Variants in ZBTB20 observed in about 807,000 individuals in gnomAD.
The protein encoded by ZBTB20 is zinc finger and BTB domain-containing protein 20.
ZBTB20 carries 9 observed loss-of-function variants against 56.9 expected under a neutral mutation model. The observed-to-expected ratio is 0.16, with a 90% confidence interval of 0.10 to 0.28. The LOEUF (loss-of-function observed/expected upper bound fraction) is 0.28, where lower values mean the gene tolerates loss of function less well. Ranked by LOEUF, ZBTB20 falls within the 10% of genes least tolerant of loss-of-function variation. ZBTB20 has a pLI of 1.00. For missense variants in ZBTB20, 655 were observed against 1,003.0 expected (o/e 0.65, Z 4.69); for synonymous variants, 417 against 420.7 (o/e 0.99, Z 0.11).
chr3:115,116,930 A>T (rs1455093563), intron 1 of ZBTB20, among the ~76,000 whole-genome samples: 1 of 152,112 alleles, frequency 6.6e-6, no homozygotes, highest in Non-Finnish European at 1.5e-5. Flanking sequence ...CAATTAAATA[A>T]ATATTGTTAA....
intron 6 of ZBTB20, among the ~76,000 whole-genome samples, chr3:114,644,728 C>T (rs778495612): frequency 6.6e-6 from 1 of 152,084 alleles, no homozygotes; most frequent in Non-Finnish European, 1.5e-5. Flanking sequence ...TATTCCAAAC[C>T]TCAGCATCAC....
chr3:114,520,326 A>G (rs1482903927), intron 6 of ZBTB20, among the ~76,000 whole-genome samples: 1 of 152,194 alleles, frequency 6.6e-6, no homozygotes, highest in African/African-American at 2.4e-5. Flanking sequence ...GTCATTAACA[A>G]TGCAAATTGA....
intron 6 of ZBTB20, among the ~76,000 whole-genome samples, chr3:114,637,837 T>G (rs909096451): frequency 1.3e-5 from 2 of 152,120 alleles, no homozygotes; most frequent in Admixed American, 6.6e-5. Context: ...CTATCATTAT[T>G]TTATTGATTG....
At chr3:114,884,109 T>C (rs1034410763) in intron 4 of ZBTB20, among the ~76,000 whole-genome samples, 1 of 150,432 alleles carries the variant, frequency 6.6e-6, no homozygotes, top group African/African-American at 2.4e-5. Context: ...GTATTTTTAG[T>C]AGAGACGGGG....
intron 2 of ZBTB20, among the ~76,000 whole-genome samples, chr3:115,059,379 C>A (rs1172867526): frequency 6.6e-6 from 1 of 152,170 alleles, no homozygotes; most frequent in Admixed American, 6.5e-5. Flanking sequence ...TCTATTAGGG[C>A]AGGCTTGTTA....
chr3:114,497,909 T>C (rs550865546), intron 7 of ZBTB20, among the ~76,000 whole-genome samples: 31 of 152,300 alleles, frequency 2.0e-4, no homozygotes, highest in African/African-American at 6.5e-4. Flanking sequence ...AGCAATCTAA[T>C]GAAGGCAGAA....
intron 6 of ZBTB20, among the ~76,000 whole-genome samples, chr3:114,579,603 C>T (rs2054439056): frequency 6.6e-6 from 1 of 150,846 alleles, no homozygotes; most frequent in Non-Finnish European, 1.5e-5. Flanking sequence ...ATGATTTAGA[C>T]TACAAATAAA....
chr3:114,485,590 A>G (rs751359405), intron 7 of ZBTB20, among the ~76,000 whole-genome samples: 3 of 152,200 alleles, frequency 2.0e-5, no homozygotes, highest in Admixed American at 6.5e-5. Flanking sequence ...TATGCTCTGA[A>G]TGTTCACCAC....
At chr3:114,620,022 T>C (rs1300922898) in intron 6 of ZBTB20, among the ~76,000 whole-genome samples, 2 of 152,214 alleles carry the variant, frequency 1.3e-5, no homozygotes, top group African/African-American at 2.4e-5. Flanking sequence ...TGATGCATTA[T>C]AGGTAAGTCT....
At chr3:114,830,171 A>C (rs979590068) in intron 4 of ZBTB20, among the ~76,000 whole-genome samples, 18 of 151,872 alleles carry the variant, frequency 1.2e-4, no homozygotes, top group African/African-American at 3.9e-4. Context: ...CCCAGCATGA[A>C]AATACTGAAA....
intron 10 of ZBTB20, among the ~76,000 whole-genome samples, chr3:114,373,503 TCTATTCCTTCTGCCTGGAATG>T (rs2083273989): frequency 6.6e-6 from 1 of 152,218 alleles, no homozygotes; most frequent in Admixed American, 6.5e-5. Context: ...TTTGCTTCTT[TCTATTCCTTCTGCCTGGAATG>T]CCATTACTTC....
intron 11 of ZBTB20, among the ~76,000 whole-genome samples, chr3:114,343,771 G>A (rs1419689212): frequency 6.6e-6 from 1 of 151,350 alleles, no homozygotes; most frequent in African/African-American, 2.4e-5. Context: ...CACACGGCTG[G>A]GCACCGTGGC....
chr3:114,481,264 T>C lies in ZBTB20; in HGVS notation c.-255+19088A>G, dbSNP rs1324216629. ...CCCATCGAATCTACAAAAGGATACA[T>C]TAAAAAAAAAAAAAACCTCATTTCC... On this transcript the variant is annotated intron_variant, in intron 7 of 11. Transcript: ENST00000675478. 3.2e-4 allele frequency among the ~76,000 whole-genome samples: 12 copies of C among 37,870 alleles called. No homozygotes were observed. In the Admixed American group the frequency reaches 3.4e-3, roughly 11 times the overall value. 24.8% of individuals were successfully genotyped at this position (37,870 alleles called of 152,430 possible).
chr3:114,983,183 A>G (rs1576484684), intron 2 of ZBTB20, among the ~76,000 whole-genome samples: 1 of 151,998 alleles, frequency 6.6e-6, no homozygotes, highest in Non-Finnish European at 1.5e-5. Context: ...TCAGCAAACA[A>G]TTATTGGGTT....
chr3:114,666,090 T>C (rs1228132798), intron 6 of ZBTB20, among the ~76,000 whole-genome samples: 2 of 152,000 alleles, frequency 1.3e-5, no homozygotes, highest in African/African-American at 2.4e-5. Context: ...TTATCTATCA[T>C]GGCTGTACAT....
intron 3 of ZBTB20, among the ~76,000 whole-genome samples, chr3:114,903,230 A>T (rs1229596187): frequency 6.6e-6 from 1 of 151,988 alleles, no homozygotes; most frequent in Non-Finnish European, 1.5e-5. Context: ...AAGCAATTTA[A>T]ATTTTCTGTC....
chr3:114,820,953 G>C (rs1480095558), intron 4 of ZBTB20, among the ~76,000 whole-genome samples: 2 of 152,010 alleles, frequency 1.3e-5, no homozygotes, highest in African/African-American at 4.8e-5. Flanking sequence ...ATCAATCTGA[G>C]AATGTTTACT....
At chr3:114,778,114 A>C (rs1158611358) in intron 5 of ZBTB20, among the ~76,000 whole-genome samples, 1 of 97,288 alleles carries the variant, frequency 1.0e-5, no homozygotes, top group Non-Finnish European at 2.1e-5. Context: ...GGGAAGGGGG[A>C]GGGATAGCAT....
intron 6 of ZBTB20, among the ~76,000 whole-genome samples, chr3:114,642,933 A>G (rs2059633358): frequency 6.6e-6 from 1 of 152,044 alleles, no homozygotes; most frequent in South Asian, 2.1e-4. Flanking sequence ...GTATTTCTCT[A>G]TGTGTCTTAG....
Sources: gnomAD v4.1 joint callset for allele counts (sites outside exome capture counted in the v4.1 genomes callset) on GRCh38, gnomAD v4.1.1 for gene constraint, MANE v1.5 for transcripts, NCBI Gene and HGNC (gene_info 2026-07-23, HGNC 2026-07-21) for gene names.